CAST: variants seen among roughly 807,000 people sequenced by gnomAD.
CAST encodes the protein MIR583 host.
In CAST, 76 loss-of-function variants were observed where a neutral mutation model predicts 119.6. That is an observed-to-expected ratio of 0.64 (90% CI 0.53 to 0.77). CAST has a LOEUF of 0.77. Ranked by LOEUF, CAST falls within the 30% of genes least tolerant of loss-of-function variation. CAST has a pLI of 0.00. For synonymous variants in CAST, 319 were observed against 331.6 expected, an observed-to-expected ratio of 0.96 and a Z score of 0.41; for missense variants, 953 against 946.5, an observed-to-expected ratio of 1.01 and a Z score of -0.09.
intron 5 of CAST, 26 bp from the exon 6 acceptor site, chr5:96,727,459 CTTTT>C (rs564963955): frequency 7.6e-7 from 1 of 1,321,856 alleles, no homozygotes; most frequent in Non-Finnish European, 1.1e-6. Context: ...TTCTTCCTTC[CTTTT>C]TTTCTTTCTT....
the CAST span, among the ~76,000 whole-genome samples, chr5:96,032,621 T>C: frequency 6.6e-6 from 1 of 152,132 alleles, no homozygotes; most frequent in African/African-American, 2.4e-5. Flanking sequence ...TTCCAAACAT[T>C]GTGCCACGAA....
chr5:96,202,572 A>G, the CAST span, among the ~76,000 whole-genome samples: 2 of 152,112 alleles, frequency 1.3e-5, no homozygotes, highest in African/African-American at 2.4e-5. Context: ...ACAAATTAGC[A>G]AAACAAAACA....
the CAST span, among the ~76,000 whole-genome samples, chr5:96,020,681 A>G: frequency 6.6e-6 from 1 of 152,206 alleles, no homozygotes; most frequent in Non-Finnish European, 1.5e-5. Flanking sequence ...GTCTAGTTGC[A>G]GGAAAACAAG....
chr5:96,585,632 C>T (rs1252277334), intron 1 of CAST, among the ~76,000 whole-genome samples: 1 of 152,184 alleles, frequency 6.6e-6, no homozygotes, highest in Non-Finnish European at 1.5e-5. Context: ...CTGCACCCAG[C>T]ATTCTCTTGC....
the CAST span, among the ~76,000 whole-genome samples, chr5:96,504,967 G>C: frequency 1.3e-5 from 2 of 152,144 alleles, no homozygotes; most frequent in African/African-American, 4.8e-5. Flanking sequence ...TACCAGTGTG[G>C]CCATTGTGGG....
At chr5:96,054,412 C>G in the CAST span, among the ~76,000 whole-genome samples, 2 of 151,952 alleles carry the variant, frequency 1.3e-5, no homozygotes. Context: ...AACCACCATG[C>G]CTGGCTTGTC....
chr5:96,184,663 T>C, the CAST span, among the ~76,000 whole-genome samples: 1 of 152,212 alleles, frequency 6.6e-6, no homozygotes, highest in South Asian at 2.1e-4. Context: ...AATCCATCCA[T>C]GTCTCTGCAA....
Position 96,598,577 on chromosome 5 carries a change from C to T in CAST, c.60+68697C>T, listed in dbSNP as rs890098327. Among the ~76,000 whole-genome samples the T allele has an allele frequency of 1.3e-4, 20 of 152,318 alleles. No individual in the cohort carries two copies. In the South Asian group the frequency reaches 3.9e-3, roughly 30 times the overall value. ...GGATCCCACAGGACAAATCAATAAA[C>T]ATTGTCCTACCTCCGTTTTTCTATG... On this transcript the variant is annotated intron_variant, in intron 1 of 11. Coordinates refer to the CAST transcript ENST00000505143.
chr5:96,030,316 C>T, the CAST span, among the ~76,000 whole-genome samples: 1 of 152,110 alleles, frequency 6.6e-6, no homozygotes, highest in African/African-American at 2.4e-5. Flanking sequence ...ATTTTATTAA[C>T]CTGATTTATA....
chr5:96,555,847 T>A, intron 1 of CAST, among the ~76,000 whole-genome samples: 1 of 152,218 alleles, frequency 6.6e-6, no homozygotes, highest in Non-Finnish European at 1.5e-5. Flanking sequence ...CAGACTTAAA[T>A]GTCCCTGTCT....
At chr5:96,252,534 G>C in the CAST span, among the ~76,000 whole-genome samples, 3 of 152,094 alleles carry the variant, frequency 2.0e-5, no homozygotes, top group Non-Finnish European at 4.4e-5. Flanking sequence ...AAGGGAGTTA[G>C]AGTAGGTATT....
the CAST span, among the ~76,000 whole-genome samples, chr5:96,347,284 A>G: frequency 1.3e-5 from 2 of 152,136 alleles, no homozygotes; most frequent in African/African-American, 4.8e-5. Flanking sequence ...GCCCATTCCT[A>G]TGGGTCCATG....
intron 1 of CAST, among the ~76,000 whole-genome samples, chr5:96,556,420 G>A (rs946496267): frequency 2.6e-5 from 4 of 152,298 alleles, no homozygotes; most frequent in Non-Finnish European, 5.9e-5. Flanking sequence ...CAGAGCTAAA[G>A]GAGGAAGTGC....
the CAST span, among the ~76,000 whole-genome samples, chr5:96,309,652 G>T: frequency 6.6e-6 from 1 of 152,204 alleles, no homozygotes; most frequent in Non-Finnish European, 1.5e-5. Flanking sequence ...ATCTGAGCCG[G>T]AGTGTACTGT....
the CAST span, among the ~76,000 whole-genome samples, chr5:96,223,031 CTCACTCATA>C: frequency 1.3e-5 from 2 of 152,098 alleles, no homozygotes. Context: ...TCTGCTTGTT[CTCACTCATA>C]TCACTCATAT....
chr5:96,103,755 T>C, the CAST span, among the ~76,000 whole-genome samples: 593 of 149,568 alleles, frequency 4.0e-3, 3 homozygotes, highest in African/African-American at 0.013. Context: ...TTCTAGTTCT[T>C]GATCCCTGAG....
At chr5:96,612,811 C>T (rs1378589097) in intron 1 of CAST, among the ~76,000 whole-genome samples, 1 of 152,100 alleles carries the variant, frequency 6.6e-6, no homozygotes, top group Non-Finnish European at 1.5e-5. Flanking sequence ...AACGGGGTAA[C>T]AATTTATCTT....
the CAST span, among the ~76,000 whole-genome samples, chr5:96,175,371 TA>T: frequency 2.6e-5 from 4 of 152,120 alleles, no homozygotes; most frequent in East Asian, 1.9e-4. Context: ...TCACATGCAT[TA>T]AAAAAAATTA....
intron 1 of CAST, among the ~76,000 whole-genome samples, chr5:96,555,369 A>G (rs1034049699): frequency 4.6e-5 from 7 of 152,036 alleles, no homozygotes; most frequent in African/African-American, 9.7e-5. Flanking sequence ...GGAGTGTCAG[A>G]CAGTGGGTGC....
Sources: allele counts gnomAD v4.1 joint callset (sites outside exome capture counted in the v4.1 genomes callset), GRCh38; gene constraint gnomAD v4.1.1; transcripts MANE v1.5; gene names NCBI Gene and HGNC (gene_info 2026-07-23, HGNC 2026-07-21).